TRAPPC9: variants seen among roughly 807,000 people sequenced by gnomAD.
The protein encoded by TRAPPC9 is IKK2 binding protein.
TRAPPC9 carries 83 observed loss-of-function variants against 124.0 expected under a neutral mutation model. That is an observed-to-expected ratio of 0.67 (90% CI 0.56 to 0.80). The LOEUF (loss-of-function observed/expected upper bound fraction) is 0.80. Among genes scored for constraint, TRAPPC9 ranks in the 30% least tolerant of loss-of-function variants. The pLI is 0.00. For missense variants in TRAPPC9, 1,302 were observed against 1,508.3 expected, an observed-to-expected ratio of 0.86 and a Z score of 2.27; for synonymous variants, 638 against 617.5, an observed-to-expected ratio of 1.03 and a Z score of -0.49.
rs1341867001 is a variant in TRAPPC9, at chr8:140,397,614, A to G, written c.1134+6T>C. 6.2e-7 allele frequency: 1 copy of G among 1,613,838 alleles called. No individual in the cohort carries two copies. Among genetic ancestry groups the G allele is most frequent in the Admixed American group, 1.7e-5 (1 of 60,016 alleles). On this transcript the variant is annotated splice_donor_region_variant and intron_variant, in intron 7 of 22. Coordinates refer to ENST00000438773, the MANE Select transcript of TRAPPC9 (RefSeq NM_001160372.4). ...CTCTTCCACTTACAGGTAGACATAC[A>G]CTCACCTGTCGAAGGTTAATGTAAA...
At chr8:140,035,777 G>A (rs114998733) in intron 17 of TRAPPC9, among the ~76,000 whole-genome samples, 3 of 152,170 alleles carry the variant, frequency 2.0e-5, no homozygotes, top group Non-Finnish European at 4.4e-5. Context: ...ACCGGGAATC[G>A]GCCTGAAGAA....
At chr8:139,769,403 T>C (rs900973101) in intron 21 of TRAPPC9, among the ~76,000 whole-genome samples, 1 of 152,212 alleles carries the variant, frequency 6.6e-6, no homozygotes, top group Non-Finnish European at 1.5e-5. Context: ...GGGTGGGGAA[T>C]GTGCACAGCG....
chr8:140,227,047 C>T (rs147873131), intron 16 of TRAPPC9, among the ~76,000 whole-genome samples: 278 of 152,182 alleles, frequency 1.8e-3, no homozygotes, highest in African/African-American at 6.1e-3. Context: ...ACACAAGAAG[C>T]ATATAAATTA....
chr8:140,216,674 T>C lies in TRAPPC9; in HGVS notation c.2556+4785A>G, dbSNP rs897430773. ...ACAGCAGGCCTGCAGCAGCATGCCA[T>C]ACACACACAGACTTCAGGGGCCTCT... On this transcript the variant is annotated intron_variant, in intron 17 of 22. Coordinates refer to ENST00000438773, the MANE Select transcript of TRAPPC9 (RefSeq NM_001160372.4). The surrounding 1 kb of genome is among the most constrained non-coding windows in gnomAD (Gnocchi z 4.1). Among the ~76,000 whole-genome samples, 3 of 152,168 alleles carry C rather than the reference T, an allele frequency of 2.0e-5. No individual in the cohort carries two copies. Among genetic ancestry groups the C allele is most frequent in the African/African-American group, 7.2e-5 (3 of 41,438 alleles).
intron 7 of TRAPPC9, among the ~76,000 whole-genome samples, chr8:140,385,684 C>T (rs1223364942): frequency 1.1e-4 from 16 of 152,060 alleles, no homozygotes; most frequent in Non-Finnish European, 2.1e-4. Flanking sequence ...AATAGCTTAC[C>T]AACCAAAAAA....
chr8:140,367,758 T>C (rs2132222689), intron 8 of TRAPPC9, among the ~76,000 whole-genome samples: 1 of 152,204 alleles, frequency 6.6e-6, no homozygotes, highest in South Asian at 2.1e-4. Flanking sequence ...CAACATAGGT[T>C]CATCAATTGC....
intron 7 of TRAPPC9, among the ~76,000 whole-genome samples, chr8:140,392,584 G>A (rs1342916883): frequency 1.3e-5 from 2 of 152,206 alleles, no homozygotes; most frequent in African/African-American, 2.4e-5. Context: ...CCCGCTGAAC[G>A]CTCAAGGCTA....
At chr8:139,810,208 A>C (rs1285707994) in intron 21 of TRAPPC9, among the ~76,000 whole-genome samples, 1 of 152,182 alleles carries the variant, frequency 6.6e-6, no homozygotes, top group Non-Finnish European at 1.5e-5. Context: ...AGGATGGGTG[A>C]GGGGTAACTG....
chr8:140,306,080 A>G (rs1367214716), intron 10 of TRAPPC9, among the ~76,000 whole-genome samples: 1 of 152,172 alleles, frequency 6.6e-6, no homozygotes, highest in Non-Finnish European at 1.5e-5. Context: ...TCCCTCACAC[A>G]TCATCATGAC....
At chr8:139,913,038 C>T (rs1831853953) in intron 19 of TRAPPC9, among the ~76,000 whole-genome samples, 1 of 152,196 alleles carries the variant, frequency 6.6e-6, no homozygotes, top group African/African-American at 2.4e-5. Flanking sequence ...TCCTGTTGAA[C>T]ACAGAAAAGA....
At chr8:140,347,264 T>C (rs1055045841) in intron 9 of TRAPPC9, among the ~76,000 whole-genome samples, 1 of 152,056 alleles carries the variant, frequency 6.6e-6, no homozygotes, top group Non-Finnish European at 1.5e-5. Context: ...ACATCCGCCT[T>C]CCCTTCCCAG....
chr8:140,323,069 G>A (rs2066639281), intron 9 of TRAPPC9, among the ~76,000 whole-genome samples: 1 of 152,178 alleles, frequency 6.6e-6, no homozygotes, highest in Non-Finnish European at 1.5e-5. Context: ...CCCACCACGG[G>A]GGACGGGAGA....
At chr8:140,317,498 G>A (rs1393383905) in intron 9 of TRAPPC9, among the ~76,000 whole-genome samples, 5 of 152,206 alleles carry the variant, frequency 3.3e-5, no homozygotes, top group Non-Finnish European at 7.3e-5. Flanking sequence ...GTGGAAAGAA[G>A]TGTTTAGAGA....
chr8:140,170,852 C>G lies in TRAPPC9; in HGVS notation c.2556+50607G>C, dbSNP rs1359820016. On this transcript the variant is annotated intron_variant, in intron 17 of 22. Coordinates refer to ENST00000438773, the MANE Select transcript of TRAPPC9 (RefSeq NM_001160372.4). ...CAGGCCTGCAGCCTCACAGGTAGAT[C>G]TCAGACTCAGGCCTAGCCAGCCCCA... is the stretch of plus-strand genomic sequence containing the variant. 2.6e-5 allele frequency among the ~76,000 whole-genome samples: 4 copies of G among 152,212 alleles called. No homozygotes were observed. In the South Asian group the frequency reaches 8.3e-4, roughly 32 times the overall value.
intron 17 of TRAPPC9, among the ~76,000 whole-genome samples, chr8:140,150,019 T>C (rs1019141134): frequency 6.6e-6 from 1 of 152,126 alleles, no homozygotes; most frequent in South Asian, 2.1e-4. Flanking sequence ...CTCCATCCAA[T>C]AGCAAGGACA....
intron 21 of TRAPPC9, among the ~76,000 whole-genome samples, chr8:139,832,164 C>T (rs1826037282): frequency 6.6e-6 from 1 of 152,188 alleles, no homozygotes; most frequent in Non-Finnish European, 1.5e-5. Flanking sequence ...TGGGAAGGCT[C>T]TCCCGGCCCT....
Position 139,732,008 on chromosome 8 carries a change from C to T in TRAPPC9, c.3250G>A (p.Val1084Met), listed in dbSNP as rs757998721. 38 of 1,595,016 alleles carry T rather than the reference C, an allele frequency of 2.4e-5. No homozygotes were observed. Among genetic ancestry groups the T allele is most frequent in the East Asian group, 4.5e-5 (2 of 43,976 alleles). ...NYDLHDTVSF[V>M]GSSTFYLDAV... ...TCGAGGTAGAAGGTGCTGGAGCCCA[C>T]GAAGGAGACGGTGTCGTGCAGGTCG... The change falls in exon 22 of 23, where the codon GTG (valine) becomes ATG (methionine). Residue 1084 changes from valine (V) to methionine (M), a missense_variant. By Grantham distance (21) the Val-to-Met change is conservative. Around this residue, in one of 3 missense-constraint regions of TRAPPC9, gnomAD observed 640 missense variants for 679.3 expected, o/e 0.94. Coordinates refer to ENST00000438773, the MANE Select transcript of TRAPPC9 (RefSeq NM_001160372.4).
At chr8:140,385,030 C>G (rs1244573016) in intron 7 of TRAPPC9, among the ~76,000 whole-genome samples, 1 of 152,154 alleles carries the variant, frequency 6.6e-6, no homozygotes, top group East Asian at 1.9e-4. Context: ...CAAAACCACT[C>G]AACTACATGG....
chr8:140,437,145 A>AT (rs1255553444), intron 3 of TRAPPC9, among the ~76,000 whole-genome samples: 4 of 117,450 alleles, frequency 3.4e-5, no homozygotes, highest in African/African-American at 1.1e-4. Flanking sequence ...TTTTTATTTT[A>AT]TTTTATTTTA....
Sources: allele counts gnomAD v4.1 joint callset (sites outside exome capture counted in the v4.1 genomes callset), GRCh38; gene constraint gnomAD v4.1.1; regional missense constraint gnomAD v4.1.1; non-coding constraint Gnocchi (gnomAD v3.1); transcripts MANE v1.5; gene names NCBI Gene and HGNC (gene_info 2026-07-23, HGNC 2026-07-21).